DAO: variants seen among roughly 807,000 people sequenced by gnomAD.
DAO encodes D-amino-acid oxidase.
DAO carries 51 observed loss-of-function variants against 50.1 expected under a neutral mutation model. The observed-to-expected ratio is 1.02, with a 90% confidence interval of 0.81 to 1.29. DAO has a LOEUF of 1.29. Ranked by LOEUF, DAO falls within the 50% of genes most tolerant of loss-of-function variation. The pLI is 0.00. For synonymous variants in DAO, 160 were observed against 166.2 expected, an observed-to-expected ratio of 0.96 and a Z score of 0.29; for missense variants, 436 against 439.4, an observed-to-expected ratio of 0.99 and a Z score of 0.07.
At chr12:108,896,453 G>T (rs546758898) in intron 7 of DAO, among the ~76,000 whole-genome samples, 8 of 139,426 alleles carry the variant, frequency 5.7e-5, no homozygotes, top group Non-Finnish European at 6.2e-5. Context: ...TTGAAGGTTT[G>T]AAGGAAAAAG....
At chr12:108,895,322 G>A (rs1326590675) in intron 7 of DAO, among the ~76,000 whole-genome samples, 7 of 137,390 alleles carry the variant, frequency 5.1e-5, no homozygotes, top group African/African-American at 2.1e-4. Context: ...CATGTGTGAG[G>A]GTGTGTGTGC....
chr12:108,885,087 G>A lies in DAO; in HGVS notation c.81G>A (p.Leu27=). ...TCCATGAGCGCTACCACTCAGTCCT[G>A]CAGCCACTGGACATAAAGGTCTACG... is the stretch of plus-strand genomic sequence containing the variant. ...LCIHERYHSV[L]QPLDIKVYAD... The change falls in exon 2 of 11, where the codon CTG becomes CTA. Residue 27 remains leucine (L), a synonymous_variant. Coordinates refer to ENST00000228476, the MANE Select transcript of DAO (RefSeq NM_001917.5). The A allele has an allele frequency of 6.2e-7, 1 of 1,614,170 alleles. No homozygotes were observed. The highest frequency in any genetic ancestry group is 8.5e-7 in the Non-Finnish European group (1 of 1,180,018).
chr12:108,881,609 T>TTC (rs1566033345), intron 1 of DAO, among the ~76,000 whole-genome samples: 19 of 148,828 alleles, frequency 1.3e-4, no homozygotes, highest in African/African-American at 3.7e-4. Context: ...AAATTTTTTT[T>TTC]TTTTTTTTTT....
chr12:108,896,219 C>G (rs28868909), intron 7 of DAO, among the ~76,000 whole-genome samples: 1 of 151,222 alleles, frequency 6.6e-6, no homozygotes, highest in African/African-American at 2.4e-5. Flanking sequence ...GTCAGGAGTT[C>G]GAGACCAGCC....
intron 3 of DAO, among the ~76,000 whole-genome samples, chr12:108,888,712 G>T (rs985014076): frequency 3.3e-5 from 5 of 152,042 alleles, no homozygotes; most frequent in East Asian, 3.8e-4. Context: ...TGAGGCTGGG[G>T]TCTCTGACAC....
intron 4 of DAO, among the ~76,000 whole-genome samples, chr12:108,889,899 T>C (rs771913797): frequency 2.0e-5 from 3 of 152,086 alleles, no homozygotes; most frequent in Non-Finnish European, 4.4e-5. Flanking sequence ...CACCCCTCCT[T>C]TCTTTTCTCT....
At chr12:108,891,765 A>C (rs1353078384) in intron 5 of DAO, among the ~76,000 whole-genome samples, 2 of 151,930 alleles carry the variant, frequency 1.3e-5, no homozygotes, top group Non-Finnish European at 2.9e-5. Context: ...TGCCTATCTA[A>C]TTTTTAAATA....
chr12:108,889,945 A>G (rs1390130718), intron 4 of DAO, among the ~76,000 whole-genome samples: 1 of 151,280 alleles, frequency 6.6e-6, no homozygotes, highest in Non-Finnish European at 1.5e-5. Context: ...TCCTCACCCC[A>G]CCCCACACCA....
intron 1 of DAO, among the ~76,000 whole-genome samples, chr12:108,883,153 C>CT (rs35481176): frequency 0.31 from 45,397 of 148,486 alleles, 8,225 homozygotes; most frequent in African/African-American, 0.47. Flanking sequence ...CTCTTCTCCT[C>CT]TTTTTTTTTT....
rs756820428 is a variant in DAO, at chr12:108,885,123, C to T, written c.117C>T (p.Phe39=). ...ACATAAAGGTCTACGCGGACCGCTT[C>T]ACCCCACTCACCACCACCGACGTGG... ...PLDIKVYADR[F]TPLTTTDVAA... is the part of the protein sequence containing the mutation. Residue 39 remains phenylalanine, a synonymous_variant, in exon 2 of 11, where the codon TTC becomes TTT. Coordinates refer to ENST00000228476, the MANE Select transcript of DAO (RefSeq NM_001917.5). The T allele has an allele frequency of 1.2e-6, 2 of 1,613,410 alleles. No individual in the cohort carries two copies. Among genetic ancestry groups the T allele is most frequent in the South Asian group, 1.1e-5 (1 of 91,072 alleles).
Position 108,900,687 on chromosome 12 carries a change from G to A in DAO, c.*152G>A. ...GAAAGCCACAAAGTCAGTGCCTGGA[G>A]AAGGGTTCAGCCCAACATGGGGCCC... On this transcript the variant is annotated 3_prime_UTR_variant, in exon 11 of 11. Transcript: ENST00000228476. 8.6e-7 allele frequency: 1 copy of A among 1,164,432 alleles called. No individual in the cohort carries two copies. The highest frequency in any genetic ancestry group is 1.2e-6 in the Non-Finnish European group (1 of 828,770). 72.1% of individuals were successfully genotyped at this position (1,164,432 alleles called of 1,614,324 possible).
At chr12:108,895,482 TG>T (rs1566039070) in intron 7 of DAO, among the ~76,000 whole-genome samples, 1 of 139,526 alleles carries the variant, frequency 7.2e-6, no homozygotes, top group Non-Finnish European at 1.5e-5. Flanking sequence ...TGTGCATGTA[TG>T]TGAGGGTGTA....
chr12:108,888,569 A>G (rs2039458276), intron 3 of DAO, among the ~76,000 whole-genome samples: 1 of 152,088 alleles, frequency 6.6e-6, no homozygotes, highest in Admixed American at 6.5e-5. Context: ...CCTGACCTCA[A>G]GTGATCTGCC....
At position 108,885,119 on chromosome 12, in the gene DAO, G is replaced by T; in HGVS notation, c.113G>T (p.Arg38Leu). 1 of 1,613,246 alleles carries T rather than the reference G, an allele frequency of 6.2e-7. No homozygotes were observed. The highest frequency in any genetic ancestry group is 8.5e-7 in the Non-Finnish European group (1 of 1,179,324). ...CTGGACATAAAGGTCTACGCGGACCGCTTCACCCCACTCACCACCACCGAC... is the reference window on the plus strand; with the variant it reads ...CTGGACATAAAGGTCTACGCGGACCTCTTCACCCCACTCACCACCACCGAC... ...QPLDIKVYADRFTPLTTTDVA... is the reference protein window; with the variant it reads ...QPLDIKVYADLFTPLTTTDVA... The change falls in exon 2 of 11, where the codon CGC becomes CTC. Residue 38 changes from arginine to leucine, a missense_variant. Coordinates refer to ENST00000228476, the MANE Select transcript of DAO (RefSeq NM_001917.5).
Position 108,900,444 on chromosome 12 carries a change from T to G in DAO, c.953T>G (p.Ile318Ser), listed in dbSNP as rs747146248. 3.1e-6 allele frequency: 5 copies of G among 1,614,118 alleles called. No homozygotes were observed. The Admixed American group carries it at 6.7e-5, about 22-fold the overall frequency. ...GGCCATGGAGGCTACGGGCTCACCATCCACTGGGGATGTGCCCTGGAGGCA... is the reference window on the plus strand; with the variant it reads ...GGCCATGGAGGCTACGGGCTCACCAGCCACTGGGGATGTGCCCTGGAGGCA... ...NYGHGGYGLT[I>S]HWGCALEAAK... The change falls in exon 11 of 11, where the codon ATC becomes AGC. Residue 318 changes from isoleucine (I) to serine (S), a missense_variant. Coordinates refer to ENST00000228476, the MANE Select transcript of DAO (RefSeq NM_001917.5).
At chr12:108,899,530 G>T in intron 10 of DAO, 55 bp downstream of exon 10, 1 of 1,438,222 alleles carries the variant, frequency 7.0e-7, no homozygotes, top group South Asian at 1.2e-5. Flanking sequence ...AGATGGCTCT[G>T]GCATTTTCAG....
chr12:108,891,670 C>T (rs2039493393), intron 5 of DAO, among the ~76,000 whole-genome samples: 1 of 151,872 alleles, frequency 6.6e-6, no homozygotes, highest in African/African-American at 2.4e-5. Flanking sequence ...ATGAACACAA[C>T]TCACAGCAGC....
intron 2 of DAO, among the ~76,000 whole-genome samples, chr12:108,887,129 C>T (rs1340880004): frequency 6.6e-6 from 1 of 152,144 alleles, no homozygotes; most frequent in Admixed American, 6.5e-5. Flanking sequence ...AACAGTGTGG[C>T]TCATAATCCC....
chr12:108,880,358 C>A (rs1484734515), intron 1 of DAO, 134 bp downstream of exon 1: 1 of 335,776 alleles, frequency 3.0e-6, no homozygotes, highest in Admixed American at 3.9e-5. Context: ...AAGGAGAGAT[C>A]CAGCCTCTCA....
Sources: allele counts gnomAD v4.1 joint callset (sites outside exome capture counted in the v4.1 genomes callset), GRCh38; gene constraint gnomAD v4.1.1; transcripts MANE v1.5; gene names NCBI Gene and HGNC (gene_info 2026-07-23, HGNC 2026-07-21).